Variants in ENKUR observed in about 807,000 individuals in gnomAD.
ENKUR encodes the protein enkurin.
A neutral mutation model predicts 27.6 loss-of-function variants in ENKUR; 19 were observed. The observed-to-expected ratio is 0.69, with a 90% CI of 0.48 to 1.01. ENKUR has a LOEUF of 1.01. Ranked by LOEUF, ENKUR falls within the 50% of genes least tolerant of loss-of-function variation. The probability of loss-of-function intolerance (pLI) is 0.00; values close to 1 mark genes in which losing one functional copy is unlikely to be tolerated. For synonymous variants in ENKUR, 117 were observed against 96.9 expected (o/e 1.21, Z -1.22); for missense variants, 312 against 310.5 (o/e 1.00, Z -0.04).
intron 3 of ENKUR, among the ~76,000 whole-genome samples, chr10:24,993,431 G>C (rs1849971890): frequency 6.6e-6 from 1 of 152,328 alleles, no homozygotes; most frequent in East Asian, 1.9e-4. Context: ...GGCAGAGTTA[G>C]ACTTTGAAAG....
chr10:25,004,199 C>T (rs1004206329), intron 1 of ENKUR, among the ~76,000 whole-genome samples: 1 of 152,136 alleles, frequency 6.6e-6, no homozygotes, highest in Non-Finnish European at 1.5e-5. Context: ...TAGGTTGATT[C>T]CATGTCTTTG....
chr10:25,017,208 TTTTGGTGTCCCTTG>T (rs2132737315), upstream of ENKUR, among the ~76,000 whole-genome samples: 1 of 152,340 alleles, frequency 6.6e-6, no homozygotes, highest in East Asian at 1.9e-4. Flanking sequence ...TTTGTCCAGT[TTTTGGTGTCCCTTG>T]TTGGAAAATT....
chr10:25,023,666 A>T, intron 2 of ENKUR: 1 of 1,614,174 alleles, frequency 6.2e-7, no homozygotes, highest in South Asian at 1.1e-5. Context: ...CTGAAGAAAA[A>T]TGGAATAATT....
intron 2 of ENKUR, among the ~76,000 whole-genome samples, chr10:25,054,508 T>TC (rs746030898): frequency 9.1e-6 from 1 of 110,284 alleles, no homozygotes; most frequent in African/African-American, 3.7e-5. Flanking sequence ...TTTCTTTCTT[T>TC]CTTTCCTTTC....
chr10:25,016,156 TG>T lies in ENKUR; in HGVS notation c.-221del. On this transcript the variant is annotated 5_prime_UTR_variant, in exon 1 of 6. Transcript: ENST00000331161. ...CTCCGGATTGCTAAGCGTCGTTGAC[TG>T]TGCGGTTGCCGTGGAAACCGTTACT... is the stretch of plus-strand genomic sequence containing the variant. The T allele has an allele frequency of 8.3e-7, 1 of 1,209,844 alleles. No individual in the cohort carries two copies. 74.9% of individuals were successfully genotyped at this position (1,209,844 alleles called of 1,614,324 possible).
chr10:25,045,651 A>G (rs1363956672), intron 2 of ENKUR, among the ~76,000 whole-genome samples: 1 of 152,222 alleles, frequency 6.6e-6, no homozygotes, highest in Admixed American at 6.5e-5. Flanking sequence ...CTAATAAATA[A>G]GAGACAAAAG....
intron 2 of ENKUR, among the ~76,000 whole-genome samples, chr10:25,057,073 C>G (rs1447554930): frequency 6.6e-6 from 1 of 152,130 alleles, no homozygotes; most frequent in Admixed American, 6.5e-5. Context: ...AAATAAATCC[C>G]TCCTCCTCTA....
chr10:25,055,117 T>C (rs1030109349), intron 2 of ENKUR, among the ~76,000 whole-genome samples: 15 of 152,172 alleles, frequency 9.9e-5, no homozygotes, highest in Non-Finnish European at 2.2e-4. Context: ...GTCATTCTGT[T>C]AAAATATCCT....
intron 2 of ENKUR, among the ~76,000 whole-genome samples, chr10:25,036,382 CTG>C (rs1420275287): frequency 6.6e-6 from 1 of 152,212 alleles, no homozygotes; most frequent in Non-Finnish European, 1.5e-5. Flanking sequence ...CCACGTGGAA[CTG>C]TGAGTCCATT....
At position 25,061,643 on chromosome 10, in the gene ENKUR, C is replaced by T. The variant is rs112065959; in HGVS notation, c.-221-274G>A. ...ACAAAATCGGAAAATCAACATGTTTCTCTTCAGATTTTCCAACAACCCCTT... is the reference window on the plus strand; with the variant it reads ...ACAAAATCGGAAAATCAACATGTTTTTCTTCAGATTTTCCAACAACCCCTT... On this transcript the variant is annotated intron_variant, in intron 1 of 5. Coordinates refer to the ENKUR transcript ENST00000615958. Among the ~76,000 whole-genome samples, 423 of 152,276 alleles carry T rather than the reference C, an allele frequency of 2.8e-3. 3 individuals are homozygous for T. The highest frequency in any genetic ancestry group is 9.5e-3 in the African/African-American group (396 of 41,552).
intron 2 of ENKUR, among the ~76,000 whole-genome samples, chr10:25,027,193 A>C (rs1279104988): frequency 6.6e-6 from 1 of 151,166 alleles, no homozygotes; most frequent in Non-Finnish European, 1.5e-5. Context: ...TGTCTCTACT[A>C]AAAATGCAAA....
chr10:25,039,510 G>C (rs533362768), intron 2 of ENKUR, among the ~76,000 whole-genome samples: 1 of 152,198 alleles, frequency 6.6e-6, no homozygotes, highest in African/African-American at 2.4e-5. Flanking sequence ...AGCCCGAGAG[G>C]TGGAGGTTGC....
Position 25,050,765 on chromosome 10 carries a change from A to T in ENKUR, c.37+10347T>A, listed in dbSNP as rs373444439. 4.6e-5 allele frequency among the ~76,000 whole-genome samples: 7 copies of T among 152,270 alleles called. No individual in the cohort carries two copies. The East Asian group carries it at 9.7e-4, about 21-fold the overall frequency. Reference sequence around the variant, plus strand: ...GGTTTGTGGAGAATTTCTTAAAAGGAGGTAATGCTGTCAAAAAGAACAAGG... The same window carrying T: ...GGTTTGTGGAGAATTTCTTAAAAGGTGGTAATGCTGTCAAAAAGAACAAGG... On this transcript the variant is annotated intron_variant, in intron 2 of 5. Coordinates refer to the ENKUR transcript ENST00000615958.
chr10:25,034,117 A>G (rs1447584597), intron 2 of ENKUR, among the ~76,000 whole-genome samples: 1 of 152,166 alleles, frequency 6.6e-6, no homozygotes, highest in Non-Finnish European at 1.5e-5. Context: ...AAATGAAAGC[A>G]TTCTGTGAAA....
chr10:25,052,597 T>C (rs2130488306), intron 2 of ENKUR, among the ~76,000 whole-genome samples: 1 of 152,012 alleles, frequency 6.6e-6, no homozygotes, highest in Non-Finnish European at 1.5e-5. Flanking sequence ...TGAGACATCA[T>C]CTCTACAGAT....
chr10:25,029,658 T>C lies in ENKUR; in HGVS notation c.37+31454A>G, dbSNP rs187897192. On this transcript the variant is annotated intron_variant, in intron 2 of 5. Transcript: ENST00000615958. ...AATCTACGTATGAAAAAGTAGTTTG[T>C]GTAGGCCTCATCTGTGCACTCCAGC... Among the ~76,000 whole-genome samples the C allele has an allele frequency of 1.7e-4, 26 of 152,298 alleles. 1 individual carries two copies. Among genetic ancestry groups the C allele is most frequent in the Non-Finnish European group, 2.8e-4 (19 of 68,010 alleles).
intron 2 of ENKUR, among the ~76,000 whole-genome samples, chr10:24,998,505 G>C (rs796381350): frequency 2.0e-5 from 3 of 151,954 alleles, no homozygotes; most frequent in African/African-American, 4.8e-5. Flanking sequence ...CTCCAGAGTA[G>C]TGAAGACTAC....
At chr10:24,990,419 T>C in intron 4 of ENKUR, 44 bp downstream of exon 4, 1 of 1,569,704 alleles carries the variant, frequency 6.4e-7, no homozygotes, top group Non-Finnish European at 8.6e-7. Flanking sequence ...CTTTCAGAGA[T>C]GATCCAAAGA....
At chr10:25,003,182 ATTTAT>A (rs1850232941) in intron 1 of ENKUR, among the ~76,000 whole-genome samples, 1 of 149,302 alleles carries the variant, frequency 6.7e-6, no homozygotes, top group Non-Finnish European at 1.5e-5. Flanking sequence ...TAATTAATTA[ATTTAT>A]TTATTTATTC....
Sources: allele counts gnomAD v4.1 joint callset (sites outside exome capture counted in the v4.1 genomes callset), GRCh38; gene constraint gnomAD v4.1.1; transcripts MANE v1.5; gene names NCBI Gene and HGNC (gene_info 2026-07-23, HGNC 2026-07-21).